The following SHISA9 variants were observed in gnomAD, a reference collection of about 807,000 sequenced individuals.
SHISA9 encodes shisa family member 9.
Under a neutral mutation model 38.0 loss-of-function variants are expected in SHISA9, and 13 were observed. That is an observed-to-expected ratio of 0.34 (90% CI 0.22 to 0.54). SHISA9 has a LOEUF of 0.54. Ranked by LOEUF, SHISA9 falls within the 20% of genes least tolerant of loss-of-function variation. The pLI, the probability that SHISA9 is intolerant of heterozygous loss-of-function variation, is 0.91. For missense variants in SHISA9, 538 were observed against 575.8 expected (o/e 0.93, Z 0.67); for synonymous variants, 275 against 242.0 (o/e 1.14, Z -1.27).
intron 2 of SHISA9, among the ~76,000 whole-genome samples, chr16:12,945,188 G>T (rs1049223744): frequency 6.6e-6 from 1 of 152,190 alleles, no homozygotes; most frequent in Non-Finnish European, 1.5e-5. Flanking sequence ...GGTGTTTGCA[G>T]CTGGCACTCT....
intron 4 of SHISA9, among the ~76,000 whole-genome samples, chr16:13,217,000 G>A (rs1170170924): frequency 2.6e-5 from 4 of 151,988 alleles, no homozygotes; most frequent in African/African-American, 9.7e-5. Flanking sequence ...GGCTGGGCGC[G>A]GTGGCTCACG....
intron 2 of SHISA9, among the ~76,000 whole-genome samples, chr16:13,140,457 G>A (rs149294453): frequency 8.5e-5 from 13 of 152,100 alleles, no homozygotes; most frequent in East Asian, 7.8e-4. Context: ...GATTATAGGC[G>A]TCAGCCACTG....
chr16:13,491,637 G>T, the SHISA9 span, among the ~76,000 whole-genome samples: 14 of 151,404 alleles, frequency 9.2e-5, no homozygotes, highest in South Asian at 2.1e-4. Flanking sequence ...ACAGGTGCAC[G>T]CCAGCAGGCC....
rs373421631 is a variant in SHISA9, at chr16:12,934,322, A to G, written c.691+17507A>G. Among the ~76,000 whole-genome samples, 41 of 152,312 alleles carry G rather than the reference A, an allele frequency of 2.7e-4. No homozygotes were observed. The East Asian group carries it at 3.3e-3, about 12-fold the overall frequency. On this transcript the variant is annotated intron_variant, in intron 2 of 4. Coordinates refer to ENST00000558583, the MANE Select transcript of SHISA9 (RefSeq NM_001145204.3). ...TGTCAATGCTTGACCTGACCATCCA[A>G]TAATGCTTCCCAGTGGATGCTCCAT...
At position 12,949,106 on chromosome 16, in the gene SHISA9, T is replaced by C. The variant is rs566816165; in HGVS notation, c.691+32291T>C. 4.8e-4 allele frequency among the ~76,000 whole-genome samples: 73 copies of C among 152,284 alleles called. 1 individual carries two copies. The highest frequency in any genetic ancestry group is 3.4e-3 in the Middle Eastern group (1 of 294). ...TGCATGATAGGTACTCAGTAGATAT[T>C]TGTACCCTTCTCTCCCTGTATTAAG... On this transcript the variant is annotated intron_variant, in intron 2 of 4. Transcript: ENST00000558583.
the SHISA9 span, among the ~76,000 whole-genome samples, chr16:13,418,724 G>T: frequency 6.6e-6 from 1 of 152,184 alleles, no homozygotes; most frequent in African/African-American, 2.4e-5. Flanking sequence ...CCTCCTGCAT[G>T]AATTCACAGT....
the SHISA9 span, among the ~76,000 whole-genome samples, chr16:13,552,031 GA>G: frequency 1.3e-5 from 2 of 150,650 alleles, no homozygotes; most frequent in South Asian, 2.1e-4. Context: ...CATCTGAAAA[GA>G]AAAAAAAATA....
chr16:13,095,165 C>T (rs909645507), intron 2 of SHISA9, among the ~76,000 whole-genome samples: 3 of 152,264 alleles, frequency 2.0e-5, no homozygotes, highest in African/African-American at 4.8e-5. Flanking sequence ...TTGTGGGCAA[C>T]GTGTATTTGG....
At chr16:12,925,445 GTA>G (rs2071381332) in intron 2 of SHISA9, among the ~76,000 whole-genome samples, 2 of 108,688 alleles carry the variant, frequency 1.8e-5, no homozygotes, top group Non-Finnish European at 3.6e-5. Context: ...TTGTGTGTGT[GTA>G]TGTGTGTGTG....
At chr16:13,055,202 C>T (rs2073296475) in intron 2 of SHISA9, among the ~76,000 whole-genome samples, 1 of 152,100 alleles carries the variant, frequency 6.6e-6, no homozygotes, top group African/African-American at 2.4e-5. Context: ...TGATTATGCC[C>T]ATTTTACAGG....
intron 1 of SHISA9, chr16:12,908,673 G>A: frequency 2.0e-6 from 3 of 1,533,404 alleles, no homozygotes; most frequent in East Asian, 2.5e-5. Flanking sequence ...AGTACGCGAT[G>A]CCCTGCAAAC....
chr16:13,041,340 C>T (rs192117782), intron 2 of SHISA9, among the ~76,000 whole-genome samples: 1 of 152,322 alleles, frequency 6.6e-6, no homozygotes, highest in East Asian at 1.9e-4. Flanking sequence ...GCTTAGGACT[C>T]CTGCTGTTGT....
intron 1 of SHISA9, among the ~76,000 whole-genome samples, chr16:12,916,456 A>C (rs2071258140): frequency 6.6e-6 from 1 of 152,186 alleles, no homozygotes; most frequent in East Asian, 1.9e-4. Context: ...TAGTCCTGTT[A>C]TTACATGGCT....
chr16:13,461,700 G>C, the SHISA9 span, among the ~76,000 whole-genome samples: 1 of 130,772 alleles, frequency 7.6e-6, no homozygotes, highest in Non-Finnish European at 1.5e-5. Context: ...TGCAAGCTCC[G>C]CCTCCCAGGT....
the SHISA9 span, among the ~76,000 whole-genome samples, chr16:13,472,193 C>T: frequency 2.6e-5 from 4 of 152,016 alleles, no homozygotes; most frequent in African/African-American, 4.8e-5. Flanking sequence ...ATGTCACCCA[C>T]CCTTGCTTAT....
chr16:13,492,453 G>A, the SHISA9 span, among the ~76,000 whole-genome samples: 1 of 152,210 alleles, frequency 6.6e-6, no homozygotes, highest in Non-Finnish European at 1.5e-5. Context: ...AAACAAATGG[G>A]TGTTCTTGGC....
At chr16:13,497,802 A>G in the SHISA9 span, among the ~76,000 whole-genome samples, 1 of 152,140 alleles carries the variant, frequency 6.6e-6, no homozygotes, top group Non-Finnish European at 1.5e-5. Context: ...AACATAAAAG[A>G]TGCACCAGTT....
intron 4 of SHISA9, among the ~76,000 whole-genome samples, chr16:13,228,009 C>T (rs952986561): frequency 6.6e-6 from 1 of 152,208 alleles, no homozygotes; most frequent in African/African-American, 2.4e-5. Flanking sequence ...TGAGCATTTA[C>T]TACATTCCAG....
At chr16:13,083,349 T>G (rs564701340) in intron 2 of SHISA9, among the ~76,000 whole-genome samples, 1 of 152,312 alleles carries the variant, frequency 6.6e-6, no homozygotes, top group African/African-American at 2.4e-5. Flanking sequence ...TGCGAATAGT[T>G]GTAGGCGTTC....
Sources: gnomAD v4.1 joint callset for allele counts (sites outside exome capture counted in the v4.1 genomes callset) on GRCh38, gnomAD v4.1.1 for gene constraint, MANE v1.5 for transcripts, NCBI Gene and HGNC (gene_info 2026-07-23, HGNC 2026-07-21) for gene names.